Variants in CCZ1 observed in about 807,000 individuals in gnomAD.
CCZ1 encodes CCZ1 vacuolar protein trafficking and biogenesis associated, also known as vacuolar fusion protein CCZ1 homolog.
In CCZ1, 19 loss-of-function variants were observed where a neutral mutation model predicts 57.8. That is an observed-to-expected ratio of 0.33 (90% CI 0.23 to 0.48). The LOEUF (loss-of-function observed/expected upper bound fraction) is 0.48. CCZ1 is among the 20% of genes least tolerant of loss of function. The pLI is 0.99. For missense variants in CCZ1, 200 were observed against 492.0 expected, an observed-to-expected ratio of 0.41 and a Z score of 5.61; for synonymous variants, 81 against 167.0, an observed-to-expected ratio of 0.49 and a Z score of 3.97.
intron 10 of CCZ1, among the ~76,000 whole-genome samples, chr7:5,913,512 A>G (rs1332952770): frequency 2.6e-5 from 4 of 151,096 alleles, no homozygotes; most frequent in Non-Finnish European, 5.9e-5. Flanking sequence ...AGGCTCAGAA[A>G]TGATGCCGTG....
At chr7:5,902,637 T>G (rs1562538004) in intron 5 of CCZ1, 24 bp from the exon 6 acceptor site, 1 of 1,561,600 alleles carries the variant, frequency 6.4e-7, no homozygotes, top group Non-Finnish European at 8.6e-7. Flanking sequence ...TGATTTTTTT[T>G]CCTGCAATCT....
chr7:5,904,572 C>T (rs1781760006), intron 6 of CCZ1, among the ~76,000 whole-genome samples: 1 of 146,328 alleles, frequency 6.8e-6, no homozygotes, highest in African/African-American at 2.6e-5. Flanking sequence ...GTGGCTCACA[C>T]CTCTAATCCC....
At chr7:5,906,615 A>T (rs1781832531) in intron 7 of CCZ1, among the ~76,000 whole-genome samples, 1 of 148,476 alleles carries the variant, frequency 6.7e-6, no homozygotes, top group South Asian at 2.2e-4. Context: ...GAGCCACTGC[A>T]CCTGGCCTAG....
chr7:5,908,708 T>C (rs1781894266), intron 7 of CCZ1, among the ~76,000 whole-genome samples: 1 of 145,288 alleles, frequency 6.9e-6, no homozygotes, highest in Non-Finnish European at 1.5e-5. Context: ...TGATCTTGAA[T>C]AGAAAACGCC....
chr7:5,912,117 G>T (rs1246445124), intron 9 of CCZ1, among the ~76,000 whole-genome samples, 195 bp downstream of exon 9: 1 of 149,304 alleles, frequency 6.7e-6, no homozygotes, highest in East Asian at 2.0e-4. Flanking sequence ...ACTATGCCTG[G>T]GTAATTCATT....
intron 9 of CCZ1, among the ~76,000 whole-genome samples, chr7:5,912,376 C>CTTTT (rs1779057480): frequency 1.5e-4 from 15 of 99,884 alleles, no homozygotes; most frequent in Non-Finnish European, 2.8e-4. Context: ...TTCAGCATAC[C>CTTTT]CTTTTTTTTT....
Position 5,910,069 on chromosome 7 carries a change from T to C in CCZ1, c.733T>C (p.Tyr245His), listed in dbSNP as rs542423106. Reference sequence around the variant, plus strand: ...AGAACAAGATGACATGAGAATTTTATACAAATACCTTACCACCTCCCTTTT... The same window carrying C: ...AGAACAAGATGACATGAGAATTTTACACAAATACCTTACCACCTCCCTTTT... ...GLEQDDMRIL[Y>H]KYLTTSLFPR... The change falls in exon 8 of 15, where the codon TAC (tyrosine) becomes CAC (histidine). Residue 245 changes from tyrosine to histidine, a missense_variant. By Grantham distance (83) the Tyr-to-His change is moderately conservative. This residue lies in a region of CCZ1 where 128 missense variants were observed against 178.4 expected (regional missense o/e 0.72). Coordinates refer to ENST00000325974, the MANE Select transcript of CCZ1 (RefSeq NM_015622.6). 2.2e-4 allele frequency: 353 copies of C among 1,588,198 alleles called. 4 individuals are homozygous for C. The South Asian group carries it at 3.2e-3, about 15-fold the overall frequency.
intron 6 of CCZ1, among the ~76,000 whole-genome samples, chr7:5,904,208 T>G (rs1188155454): frequency 7.4e-6 from 1 of 134,512 alleles, no homozygotes; most frequent in Non-Finnish European, 1.5e-5. Flanking sequence ...TTCTCCTGTC[T>G]CAGCCTCCTG....
chr7:5,899,635 C>T (rs1377615482), intron 1 of CCZ1, among the ~76,000 whole-genome samples: 1 of 139,386 alleles, frequency 7.2e-6, no homozygotes, highest in Non-Finnish European at 1.5e-5. Context: ...GGCGTGGTGG[C>T]ACGCACCTGT....
At chr7:5,901,569 G>T in intron 4 of CCZ1, 88 bp from the exon 5 acceptor site, 1 of 1,509,438 alleles carries the variant, frequency 6.6e-7, no homozygotes. Context: ...ATACTGTTTG[G>T]CCAAGAGTTA....
intron 1 of CCZ1, among the ~76,000 whole-genome samples, chr7:5,899,333 GGGTGTGT>G (rs1781626208): frequency 2.7e-4 from 1 of 3,692 alleles, no homozygotes; most frequent in Non-Finnish European, 8.2e-4. Flanking sequence ...TTCGGGAGGG[GGGTGTGT>G]GTGTGTGTGT....
chr7:5,902,589 A>C, intron 5 of CCZ1, 72 bp from the exon 6 acceptor site: 10 of 1,499,224 alleles, frequency 6.7e-6, no homozygotes, highest in Non-Finnish European at 8.8e-6. Context: ...TAAAGGAAAA[A>C]AAGAACTTGT....
chr7:5,909,653 C>T (rs1431645871), intron 7 of CCZ1, among the ~76,000 whole-genome samples: 1 of 146,618 alleles, frequency 6.8e-6, no homozygotes, highest in Non-Finnish European at 1.5e-5. Context: ...GAGCCATGAT[C>T]GCACCACTGC....
intron 7 of CCZ1, among the ~76,000 whole-genome samples, chr7:5,906,489 A>C (rs1308473012): frequency 6.8e-6 from 1 of 147,744 alleles, no homozygotes; most frequent in Non-Finnish European, 1.5e-5. Flanking sequence ...TGCCCGGCTA[A>C]TTTTTGTATT....
intron 14 of CCZ1, among the ~76,000 whole-genome samples, chr7:5,924,368 G>A (rs1779313199): frequency 1.1e-5 from 1 of 87,430 alleles, no homozygotes; most frequent in African/African-American, 4.3e-5. Context: ...GAGACCACAG[G>A]CATGTATCAC....
chr7:5,901,320 A>G (rs1781680619), intron 4 of CCZ1: 1 of 183,944 alleles, frequency 5.4e-6, no homozygotes, highest in Admixed American at 6.7e-5. Context: ...CCCTGTCTCT[A>G]CTAAAACTAC....
chr7:5,910,712 T>TTTATTTATTTATG (rs1412284908), intron 8 of CCZ1, among the ~76,000 whole-genome samples: 1 of 97,758 alleles, frequency 1.0e-5, no homozygotes, highest in Admixed American at 1.1e-4. Flanking sequence ...TTTATTTTAT[T>TTTATTTATTTATG]TATTTATTTA....
At chr7:5,920,470 C>CTTTTTTTTTTTTTTTTTTTTTTTTTTTTT (rs200899553) in intron 12 of CCZ1, among the ~76,000 whole-genome samples, 26 of 95,962 alleles carry the variant, frequency 2.7e-4, no homozygotes, top group South Asian at 8.2e-4. Context: ...TTCTCCCTGG[C>CTTTTTTTTTTTTTTTTTTTTTTTTTTTTT]TTTTTTTTTT....
At chr7:5,904,528 CAAAA>C (rs781016146) in intron 6 of CCZ1, among the ~76,000 whole-genome samples, 3 of 128,712 alleles carry the variant, frequency 2.3e-5, no homozygotes, top group South Asian at 5.3e-4. Context: ...CTGTCTATAC[CAAAA>C]AAAAAAAAAA....
Sources: gnomAD v4.1 joint callset for allele counts (sites outside exome capture counted in the v4.1 genomes callset) on GRCh38, gnomAD v4.1.1 for gene constraint, gnomAD v4.1.1 regional missense constraint, MANE v1.5 for transcripts, NCBI Gene and HGNC (gene_info 2026-07-23, HGNC 2026-07-21) for gene names.